The following FAT1 variants were observed in gnomAD, a reference collection of about 807,000 sequenced individuals.
FAT1 encodes the protein FAT atypical cadherin 1.
A neutral mutation model predicts 329.8 loss-of-function variants in FAT1; 171 were observed. The ratio of observed to expected loss-of-function variants is 0.52; its 90% CI spans 0.46 to 0.59. The LOEUF (loss-of-function observed/expected upper bound fraction) is 0.59. FAT1 is among the 20% of genes least tolerant of loss of function. FAT1 has a pLI of 0.00. For missense variants in FAT1, 5,672 were observed against 5,774.4 expected (o/e 0.98, Z 0.57); for synonymous variants, 2,233 against 2,228.6 (o/e 1.00, Z -0.06).
intron 2 of FAT1, among the ~76,000 whole-genome samples, chr4:186,677,409 C>T (rs1350719298): frequency 2.6e-5 from 4 of 151,972 alleles, no homozygotes; most frequent in Non-Finnish European, 5.9e-5. Flanking sequence ...TGATGTTAAA[C>T]CTGGCTAAGA....
intron 2 of FAT1, among the ~76,000 whole-genome samples, chr4:186,699,523 C>T (rs1744200141): frequency 6.6e-6 from 1 of 152,190 alleles, no homozygotes; most frequent in Non-Finnish European, 1.5e-5. Flanking sequence ...CTTACTGTCA[C>T]TGCTGTGAAA....
In FAT1 at chr4:186,707,740, CT is replaced by C; in HGVS notation, c.2087del (p.Gln696ArgfsTer31). 1 of 1,613,740 alleles carries C rather than the reference CT, an allele frequency of 6.2e-7. No individual in the cohort carries two copies. Among genetic ancestry groups the C allele is most frequent in the Non-Finnish European group, 8.5e-7 (1 of 1,179,888 alleles). On this transcript the variant is annotated frameshift_variant, in exon 2 of 27. Coordinates refer to ENST00000441802, the MANE Select transcript of FAT1 (RefSeq NM_005245.4). LOFTEE classifies it high-confidence loss of function. ...KLLQANKLHNQGEVEDIFFDS... is the reference protein window; with the variant it reads ...KLLQANKLHNXGEVEDIFFDS... ...CGAAGAAAATATCCTCCACCTCTCC[CT>C]GGTTGTGTAATTTATTTGCCTGCAG...
rs1312821327 is a variant in FAT1, at chr4:186,597,998, C to T, written c.12231G>A (p.Gln4077=). ...CVVDNGGFVC[Q]CRGLYTGQRC... Reference sequence around the variant, plus strand: ...TCTGACCAGTATATAATCCTCTACACTGGCAAACAAAGCCTCCGTTGTCGA... The same window carrying T: ...TCTGACCAGTATATAATCCTCTACATTGGCAAACAAAGCCTCCGTTGTCGA... The change falls in exon 23 of 27, where the codon CAG becomes CAA. Residue 4077 remains glutamine (Q), a synonymous_variant. Transcript: ENST00000441802. 3 of 1,612,924 alleles carry T rather than the reference C, an allele frequency of 1.9e-6. No individual in the cohort carries two copies. Among genetic ancestry groups the T allele is most frequent in the Non-Finnish European group, 2.5e-6 (3 of 1,179,676 alleles).
intron 9 of FAT1, among the ~76,000 whole-genome samples, chr4:186,626,829 C>G (rs1449337208): frequency 1.3e-4 from 6 of 47,744 alleles, no homozygotes; most frequent in African/African-American, 6.3e-4. Flanking sequence ...CAACATGGCA[C>G]CTGGCACATA....
intron 2 of FAT1, among the ~76,000 whole-genome samples, chr4:186,691,742 A>G (rs1254293266): frequency 6.6e-6 from 1 of 152,180 alleles, no homozygotes; most frequent in Non-Finnish European, 1.5e-5. Flanking sequence ...CCGGAGTTCA[A>G]GGCTGCAGTA....
At position 186,597,721 on chromosome 4, in the gene FAT1, C is replaced by T. The variant is rs2126399206; in HGVS notation, c.12329G>A (p.Gly4110Asp). The change falls in exon 24 of 27, where the codon GGC becomes GAC. Residue 4110 changes from glycine (G) to aspartate (D), a missense_variant. Gly to Asp is a moderately conservative substitution (Grantham distance 94). Transcript: ENST00000441802. ...NGGTCFDSLD[G>D]AVCQCDSGFR... Reference sequence around the variant, plus strand: ...ACCCGAATCACACTGACAAACGGCGCCATCCAAACTGTCAAAGCATGTTCC... The same window carrying T: ...ACCCGAATCACACTGACAAACGGCGTCATCCAAACTGTCAAAGCATGTTCC... The T allele has an allele frequency of 3.7e-6, 6 of 1,613,894 alleles. No homozygotes were observed. The highest frequency in any genetic ancestry group is 5.1e-6 in the Non-Finnish European group (6 of 1,179,860).
intron 11 of FAT1, among the ~76,000 whole-genome samples, chr4:186,615,534 T>C (rs1739669339): frequency 6.6e-6 from 1 of 152,126 alleles, no homozygotes; most frequent in East Asian, 1.9e-4. Context: ...TATTTCTTCA[T>C]CACTTCACTC....
rs2126695225 is a variant in FAT1 at position 186,708,281 on chromosome 4, G to A, written c.1547C>T (p.Thr516Ile). The part of the protein sequence containing the change: ...NHVPFAIDHF[T>I]GAVSTSENLD... ...GTTTTCTGACGTACTCACGGCACCAGTGAAATGGTCAATCGCAAACGGCAC... is the reference window on the plus strand; with the variant it reads ...GTTTTCTGACGTACTCACGGCACCAATGAAATGGTCAATCGCAAACGGCAC... Residue 516 changes from threonine (T) to isoleucine (I), a missense_variant, in exon 2 of 27, where the codon ACT (threonine) becomes ATT (isoleucine). Physicochemically the swap from Thr to Ile is moderately conservative, Grantham distance 89 (BLOSUM62 -1). Transcript: ENST00000441802. 7 of 1,614,006 alleles carry A rather than the reference G, an allele frequency of 4.3e-6. No individual in the cohort carries two copies. The highest frequency in any genetic ancestry group is 5.9e-6 in the Non-Finnish European group (7 of 1,179,906).
intron 3 of FAT1, among the ~76,000 whole-genome samples, chr4:186,657,595 A>C (rs1232090362): frequency 6.6e-6 from 1 of 152,166 alleles, no homozygotes; most frequent in Non-Finnish European, 1.5e-5. Flanking sequence ...AAGCTATGTG[A>C]AAGCTTATCA....
intron 2 of FAT1, among the ~76,000 whole-genome samples, chr4:186,704,460 C>T (rs1257503905): frequency 1.3e-5 from 2 of 152,026 alleles, no homozygotes; most frequent in Non-Finnish European, 2.9e-5. Context: ...CTCTTCTTCA[C>T]TTGAAAGAAA....
At chr4:186,712,852 C>T (rs771062176) in intron 1 of FAT1, among the ~76,000 whole-genome samples, 5 of 152,118 alleles carry the variant, frequency 3.3e-5, no homozygotes, top group Non-Finnish European at 7.3e-5. Flanking sequence ...CCCTCTAGGG[C>T]AGAAAGTCAC....
rs983524169 is a variant in FAT1, at chr4:186,596,720, C to T, written c.12820G>A (p.Glu4274Lys). 3.1e-6 allele frequency: 5 copies of T among 1,613,698 alleles called. No individual in the cohort carries two copies. Among genetic ancestry groups the T allele is most frequent in the East Asian group, 2.2e-5 (1 of 44,888 alleles). ...GGATGCTCTGGGATAGCAGATCCTT[C>T]GAAGGAATTTCGGTCCAGATTGTTT... ...SRNNLDRNSF[E>K]GSAIPEHPEF... Residue 4274 changes from glutamate to lysine, a missense_variant, in exon 25 of 27, where the codon GAA becomes AAA. By Grantham distance (56) the Glu-to-Lys change is moderately conservative. Around this residue, in one of 2 missense-constraint regions of FAT1, gnomAD observed 1,706 missense variants for 1,859.1 expected, o/e 0.92. Coordinates refer to ENST00000441802, the MANE Select transcript of FAT1 (RefSeq NM_005245.4). This position sits in a 1 kb window ranked among gnomAD's most constrained non-coding sequence, Gnocchi z 4.7.
chr4:186,688,799 T>G (rs1743611127), intron 2 of FAT1, among the ~76,000 whole-genome samples: 1 of 152,200 alleles, frequency 6.6e-6, no homozygotes, highest in Admixed American at 6.5e-5. Flanking sequence ...GGTGTATCTG[T>G]GAGATACAAA....
chr4:186,593,105 C>A (rs1431038156), intron 26 of FAT1, among the ~76,000 whole-genome samples: 2 of 152,156 alleles, frequency 1.3e-5, no homozygotes, highest in African/African-American at 4.8e-5. Context: ...ACTCGACATT[C>A]CAAGACTACA....
chr4:186,655,106 A>G (rs949798775), intron 3 of FAT1, among the ~76,000 whole-genome samples: 9 of 152,180 alleles, frequency 5.9e-5, no homozygotes, highest in Non-Finnish European at 7.3e-5. Context: ...AAATCTCAGG[A>G]AGACAGAAAT....
chr4:186,610,709 ATTTATATAATTTATATAAATATAAAT>A (rs1560931976), intron 14 of FAT1, among the ~76,000 whole-genome samples: 19 of 62,640 alleles, frequency 3.0e-4, no homozygotes, highest in Middle Eastern at 6.3e-3. Flanking sequence ...ATAAATATAA[ATTTATATAATTTATATAAATATAAAT>A]TTATATAATT....
At position 186,591,300 on chromosome 4, in the gene FAT1, AAC is replaced by A. The variant is rs566519656; in HGVS notation, c.13139-2082_13139-2081del. Among the ~76,000 whole-genome samples, 27 of 152,368 alleles carry A rather than the reference AAC, an allele frequency of 1.8e-4. No homozygotes were observed. The Middle Eastern group carries it at 0.014, about 77-fold the overall frequency. On this transcript the variant is annotated intron_variant, in intron 26 of 26. Transcript: ENST00000441802. ...TTTAAACAAGGCTTTCTATGCATTC[AAC>A]AGTGTTATAATTTGGGACAAATATT...
chr4:186,661,472 G>A lies in FAT1; in HGVS notation c.3580+1827C>T, dbSNP rs538649185. Reference sequence around the variant, plus strand: ...AATGAAGTCTCCATAAAAGGCCCAAGAAAGCAGAGTTCAGAGTTTCTCACC... The same window carrying A: ...AATGAAGTCTCCATAAAAGGCCCAAAAAAGCAGAGTTCAGAGTTTCTCACC... On this transcript the variant is annotated intron_variant, in intron 3 of 26. Coordinates refer to ENST00000441802, the MANE Select transcript of FAT1 (RefSeq NM_005245.4). 4.1e-4 allele frequency among the ~76,000 whole-genome samples: 62 copies of A among 152,332 alleles called. 1 individual carries two copies. In the South Asian group the frequency reaches 0.013, roughly 31 times the overall value.
intron 11 of FAT1, 105 bp downstream of exon 11, chr4:186,616,900 C>T: frequency 2.0e-6 from 2 of 1,003,644 alleles, no homozygotes; most frequent in East Asian, 4.9e-5. Flanking sequence ...AGTAAGTGAT[C>T]ATAAAACACA....
Sources: allele counts gnomAD v4.1 joint callset (sites outside exome capture counted in the v4.1 genomes callset), GRCh38; gene constraint gnomAD v4.1.1; regional missense constraint gnomAD v4.1.1; non-coding constraint Gnocchi (gnomAD v3.1); transcripts MANE v1.5; gene names NCBI Gene and HGNC (gene_info 2026-07-23, HGNC 2026-07-21).